The following NRAP variants were observed in gnomAD, a reference collection of about 807,000 sequenced individuals.
NRAP encodes the protein nebulin-related-anchoring protein.
A neutral mutation model predicts 225.9 loss-of-function variants in NRAP; 189 were observed. The observed-to-expected ratio is 0.84, with a 90% CI of 0.74 to 0.94. The LOEUF is 0.94. Ranked by LOEUF, NRAP falls within the 40% of genes least tolerant of loss-of-function variation. The pLI is 0.00. For missense variants in NRAP, 2,176 were observed against 2,168.7 expected, an observed-to-expected ratio of 1.00 and a Z score of -0.07; for synonymous variants, 769 against 790.7, an observed-to-expected ratio of 0.97 and a Z score of 0.46.
rs536008185 is a variant in NRAP at position 113,598,353 on chromosome 10, A to G, written c.4228-280T>C. Among the ~76,000 whole-genome samples the G allele has an allele frequency of 6.6e-5, 10 of 150,890 alleles. No individual in the cohort carries two copies. In the South Asian group the frequency reaches 1.5e-3, roughly 23 times the overall value. ...AGTAACAACCTATGTGGACGATCGC[A>G]TAAAGAAAGAGCTGAGATATATGCT... On this transcript the variant is annotated intron_variant, in intron 35 of 41. Coordinates refer to ENST00000359988, the MANE Select transcript of NRAP (RefSeq NM_198060.4).
rs200797026 is a variant in NRAP at position 113,631,886 on chromosome 10, C to A, written c.1711G>T (p.Ala571Ser). The A allele has an allele frequency of 6.2e-7, 1 of 1,612,198 alleles. No homozygotes were observed. The highest frequency in any genetic ancestry group is 8.5e-7 in the Non-Finnish European group (1 of 1,178,394). The part of the protein sequence containing the change: ...MKLDAMSLLA[A>S]KASGELASNI... Reference sequence around the variant, plus strand: ...CTAGCAAGCTCCCCAGAGGCTTTGGCGGCCAGCAGAGACATGGCATCCAGC... The same window carrying A: ...CTAGCAAGCTCCCCAGAGGCTTTGGAGGCCAGCAGAGACATGGCATCCAGC... Residue 571 changes from alanine to serine, a missense_variant, in exon 17 of 42, where the codon GCC (alanine) becomes TCC (serine). Physicochemically the swap from Ala to Ser is moderately conservative, Grantham distance 99 (BLOSUM62 1). This residue lies in a region of NRAP where 1,708 missense variants were observed against 1,695.5 expected (regional missense o/e 1.01). Transcript: ENST00000359988.
intron 21 of NRAP, 112 bp from the exon 22 acceptor site, chr10:113,625,042 T>A (rs935463889): frequency 4.4e-6 from 3 of 677,390 alleles, no homozygotes; most frequent in Admixed American, 2.2e-5. Flanking sequence ...GCACAGAAAG[T>A]CCATTACAAA....
Position 113,612,440 on chromosome 10 carries a change from G to A in NRAP, c.3301-9C>T. On this transcript the variant is annotated splice_polypyrimidine_tract_variant and intron_variant, in intron 29 of 41. Coordinates refer to ENST00000359988, the MANE Select transcript of NRAP (RefSeq NM_198060.4). ...CCTTTCTTGTAATTCACCTAGAGGGGCAGACAGAGCAACAGCAGCTATTTC... is the reference window on the plus strand; with the variant it reads ...CCTTTCTTGTAATTCACCTAGAGGGACAGACAGAGCAACAGCAGCTATTTC... 1 of 1,611,312 alleles carries A rather than the reference G, an allele frequency of 6.2e-7. No homozygotes were observed. The highest frequency in any genetic ancestry group is 1.3e-5 in the African/African-American group (1 of 74,998).
Position 113,645,900 on chromosome 10 carries a change from T to C in NRAP, c.1035A>G (p.Ala345=), listed in dbSNP as rs752589307. ...RQDFNKMKGA[A]HYHSLPAQDN... is the part of the protein sequence containing the mutation. Reference sequence around the variant, plus strand: ...CTTGAGCTGGAAGCGAGTGATAATGTGCAGCGCCTTTCATCTTATTGAAGT... The same window carrying C: ...CTTGAGCTGGAAGCGAGTGATAATGCGCAGCGCCTTTCATCTTATTGAAGT... The change falls in exon 11 of 42, where the codon GCA becomes GCG. Residue 345 remains alanine (A), a synonymous_variant. Coordinates refer to ENST00000359988, the MANE Select transcript of NRAP (RefSeq NM_198060.4). 1.2e-6 allele frequency: 2 copies of C among 1,608,010 alleles called. No individual in the cohort carries two copies. Among genetic ancestry groups the C allele is most frequent in the Non-Finnish European group, 1.7e-6 (2 of 1,176,730 alleles).
At chr10:113,658,663 T>C (rs1391510613) in intron 3 of NRAP, among the ~76,000 whole-genome samples, 1 of 152,000 alleles carries the variant, frequency 6.6e-6, no homozygotes, top group South Asian at 2.1e-4. Flanking sequence ...GGTGGATCAC[T>C]TGAGGTCAGG....
intron 41 of NRAP, chr10:113,589,404 G>A (rs185639549): frequency 6.0e-4 from 348 of 576,424 alleles, no homozygotes; most frequent in African/African-American, 5.2e-3. Context: ...GCCCTGGCCC[G>A]GGATTGATGT....
chr10:113,658,930 A>G (rs1425312887), intron 3 of NRAP, among the ~76,000 whole-genome samples: 1 of 151,880 alleles, frequency 6.6e-6, no homozygotes, highest in Non-Finnish European at 1.5e-5. Flanking sequence ...AAATTTTTAC[A>G]AGCTGAAGTT....
At chr10:113,600,196 G>C (rs1434359753) in intron 35 of NRAP, among the ~76,000 whole-genome samples, 1 of 99,022 alleles carries the variant, frequency 1.0e-5, no homozygotes, top group Non-Finnish European at 2.4e-5. Context: ...TCTGGAGATG[G>C]GGTCTCTCTT....
chr10:113,660,416 T>C (rs1349644771), intron 3 of NRAP, among the ~76,000 whole-genome samples: 2 of 152,104 alleles, frequency 1.3e-5, no homozygotes, highest in African/African-American at 4.8e-5. Context: ...CGCTGTCACA[T>C]AGACGCAAAC....
chr10:113,662,746 G>A lies in NRAP; in HGVS notation c.188C>T (p.Thr63Ile), dbSNP rs762758169. ...TGGAGTGTGATAGACACTGGTGAAA[G>A]TGTTGTTCTTAGGGTTATGGCTACA... is the stretch of plus-strand genomic sequence containing the variant. ...YCHAHNPKNNTFTSVYHTPLN... is the reference protein window; with the variant it reads ...YCHAHNPKNNIFTSVYHTPLN... The change falls in exon 3 of 42, where the codon ACT becomes ATT. Residue 63 changes from threonine (T) to isoleucine (I), a missense_variant. By Grantham distance (89) the Thr-to-Ile change is moderately conservative. Coordinates refer to ENST00000359988, the MANE Select transcript of NRAP (RefSeq NM_198060.4). The A allele has an allele frequency of 7.5e-6, 12 of 1,596,148 alleles. No individual in the cohort carries two copies. Among genetic ancestry groups the A allele is most frequent in the Non-Finnish European group, 1.7e-6 (2 of 1,164,344 alleles).
chr10:113,610,408 T>A, intron 31 of NRAP, 51 bp downstream of exon 31: 2 of 796,260 alleles, frequency 2.5e-6, no homozygotes, highest in Non-Finnish European at 4.4e-6. Context: ...AAACTGATTA[T>A]CCTCTGCTGT....
chr10:113,641,198 G>A (rs1169836086), intron 13 of NRAP, among the ~76,000 whole-genome samples, 167 bp downstream of exon 13: 1 of 152,196 alleles, frequency 6.6e-6, no homozygotes, highest in Non-Finnish European at 1.5e-5. Flanking sequence ...ATCTTACCTA[G>A]CCTTGGTTGT....
chr10:113,625,189 C>T (rs961060876), intron 21 of NRAP, among the ~76,000 whole-genome samples: 3 of 152,182 alleles, frequency 2.0e-5, no homozygotes, highest in African/African-American at 7.2e-5. Context: ...TCTTTTCACA[C>T]CTTTCCTTTG....
intron 17 of NRAP, 24 bp downstream of exon 17, chr10:113,631,833 C>T (rs1157075393): frequency 6.9e-7 from 1 of 1,445,294 alleles, no homozygotes; most frequent in South Asian, 1.2e-5. Context: ...TTATGCATTC[C>T]TGAGTTAATG....
chr10:113,641,452 G>A lies in NRAP; in HGVS notation c.1236C>T (p.Tyr412=), dbSNP rs1315605976. 5 of 1,612,216 alleles carry A rather than the reference G, an allele frequency of 3.1e-6. No homozygotes were observed. The highest frequency in any genetic ancestry group is 1.3e-5 in the African/African-American group (1 of 74,846). Residue 412 remains tyrosine (Y), a synonymous_variant, in exon 13 of 42, where the codon TAC becomes TAT. Coordinates refer to ENST00000359988, the MANE Select transcript of NRAP (RefSeq NM_198060.4). ...CATAGCGGCCTCTCATGTGGTTCTG[G>A]TAGTTTTCTTTATATTTATTCTACA... The part of the protein sequence containing the change: ...FTSDNKYKEN[Y]QNHMRGRYEG...
rs748657253 is a variant in NRAP at position 113,606,297 on chromosome 10, T to TATA, written c.3703-18_3703-16dup. 6 of 1,458,082 alleles carry TATA rather than the reference T, an allele frequency of 4.1e-6. No homozygotes were observed. Among genetic ancestry groups the TATA allele is most frequent in the Middle Eastern group, 1.7e-4 (1 of 5,756 alleles). 90.3% of individuals were successfully genotyped at this position (1,458,082 alleles called of 1,614,324 possible). A position where few individuals can be genotyped will look rare whatever the true frequency, so the allele number is the denominator to read the frequency against. On this transcript the variant is annotated splice_polypyrimidine_tract_variant and intron_variant, in intron 32 of 41. Transcript: ENST00000359988. ...TTATAGAGGCGCTAGGCCAAAAAAA[T>TATA]ATAATAATAATAATGCAAGAGATAA...
At chr10:113,628,799 C>T in intron 20 of NRAP, 118 bp downstream of exon 20, 1 of 644,694 alleles carries the variant, frequency 1.6e-6, no homozygotes, top group Non-Finnish European at 2.7e-6. Flanking sequence ...AGTACTCCCA[C>T]TTTGAATCAC....
chr10:113,663,066 T>C (rs1451465207), intron 2 of NRAP, among the ~76,000 whole-genome samples: 4 of 152,226 alleles, frequency 2.6e-5, no homozygotes, highest in African/African-American at 9.6e-5. Flanking sequence ...TTCAAAGCTC[T>C]ATATGCATAT....
At chr10:113,610,297 C>T (rs1261651353) in intron 31 of NRAP, among the ~76,000 whole-genome samples, 162 bp downstream of exon 31, 3 of 147,330 alleles carry the variant, frequency 2.0e-5, no homozygotes, top group African/African-American at 7.6e-5. Flanking sequence ...TTGCAGTGAG[C>T]AGAGATCGTG....
Sources: gnomAD v4.1 joint callset for allele counts (sites outside exome capture counted in the v4.1 genomes callset) on GRCh38, gnomAD v4.1.1 for gene constraint, gnomAD v4.1.1 regional missense constraint, MANE v1.5 for transcripts, NCBI Gene and HGNC (gene_info 2026-07-23, HGNC 2026-07-21) for gene names.